Variants in USP49 observed in about 807,000 individuals in gnomAD.
The protein encoded by USP49 is ubiquitin specific peptidase 49, also known as ubiquitin carboxyl-terminal hydrolase 49.
In USP49, 24 loss-of-function variants were observed where a neutral mutation model predicts 58.6. The ratio of observed to expected loss-of-function variants is 0.41; its 90% CI spans 0.30 to 0.58. USP49 has a LOEUF of 0.58. Ranked by LOEUF, USP49 falls within the 20% of genes least tolerant of loss-of-function variation. USP49 has a pLI of 0.30. For synonymous variants in USP49, 408 were observed against 365.1 expected (o/e 1.12, Z -1.34); for missense variants, 703 against 866.1 (o/e 0.81, Z 2.36).
chr6:41,823,839 CGGGAGAGA>C (rs1030728209), intron 3 of USP49, among the ~76,000 whole-genome samples: 14 of 151,612 alleles, frequency 9.2e-5, no homozygotes, highest in Admixed American at 2.6e-4. Context: ...GTGGGGGGGT[CGGGAGAGA>C]GGGAGAGAGA....
At position 41,796,152 on chromosome 6, in the gene USP49, T is replaced by G; in HGVS notation, c.*381A>C. On this transcript the variant is annotated 3_prime_UTR_variant, in exon 8 of 8. Coordinates refer to ENST00000682992, the MANE Select transcript of USP49 (RefSeq NM_001286554.2). ...ACTGCTCACATCCGGAGGGTTCTTC[T>G]GGTGCTGCAAGGAGGTCCTGATTAG... The G allele has an allele frequency of 5.2e-6, 1 of 194,148 alleles. No individual in the cohort carries two copies. The highest frequency in any genetic ancestry group is 1.1e-4 in the South Asian group (1 of 9,248). The allele number at this position is 194,148 out of a possible 1,614,324, so 12.0% of individuals were successfully genotyped here. A position where few individuals can be genotyped will look rare whatever the true frequency, so the allele number is the denominator to read the frequency against.
At chr6:41,808,972 G>A (rs1436082902) in intron 3 of USP49, among the ~76,000 whole-genome samples, 1 of 151,936 alleles carries the variant, frequency 6.6e-6, no homozygotes, top group Non-Finnish European at 1.5e-5. Context: ...GGAGTGCGGT[G>A]GTGTGATCTT....
In USP49 at chr6:41,805,610, T is replaced by C; in HGVS notation, c.1356+18A>G. 3 of 1,596,204 alleles carry C rather than the reference T, an allele frequency of 1.9e-6. No homozygotes were observed. The highest frequency in any genetic ancestry group is 1.7e-6 in the Non-Finnish European group (2 of 1,167,940). ...CTAACATACAAGCCTCTCATTGTCA[T>C]GGTAGGCACACACATACCTGACTGA... On this transcript the variant is annotated intron_variant, in intron 4 of 7. Coordinates refer to ENST00000682992, the MANE Select transcript of USP49 (RefSeq NM_001286554.2).
chr6:41,808,165 A>C (rs975802878), intron 3 of USP49, among the ~76,000 whole-genome samples: 21 of 152,218 alleles, frequency 1.4e-4, no homozygotes, highest in Admixed American at 9.8e-4. Flanking sequence ...AGGTAAGTAA[A>C]GAACTGGACA....
chr6:41,840,048 A>C (rs941531244), intron 3 of USP49, among the ~76,000 whole-genome samples: 2 of 152,122 alleles, frequency 1.3e-5, no homozygotes, highest in South Asian at 4.1e-4. Flanking sequence ...CCATAATGTA[A>C]ATATCAGTAT....
intron 2 of USP49, among the ~76,000 whole-genome samples, chr6:41,889,681 T>G (rs528035843): frequency 6.6e-6 from 1 of 152,328 alleles, no homozygotes; most frequent in East Asian, 1.9e-4. Context: ...CAAAATCCAC[T>G]CTAAACCCAA....
chr6:41,845,219 A>G (rs897031808), intron 3 of USP49, among the ~76,000 whole-genome samples: 2 of 151,778 alleles, frequency 1.3e-5, no homozygotes, highest in Non-Finnish European at 1.5e-5. Flanking sequence ...ACGTTTTTAC[A>G]TGTTTCTCAA....
intron 5 of USP49, among the ~76,000 whole-genome samples, chr6:41,801,483 C>T (rs1772996562): frequency 1.3e-5 from 2 of 152,182 alleles, no homozygotes; most frequent in Non-Finnish European, 2.9e-5. Context: ...GTGTAGTCGT[C>T]ACAATACGTG....
chr6:41,889,749 T>G (rs115553027), intron 2 of USP49, among the ~76,000 whole-genome samples: 3,754 of 152,346 alleles, frequency 0.025, 70 homozygotes, highest in Non-Finnish European at 0.041. Context: ...CTAAACTTTT[T>G]GAAATACTCA....
chr6:41,843,602 A>T (rs957513768), intron 3 of USP49, among the ~76,000 whole-genome samples: 1 of 152,156 alleles, frequency 6.6e-6, no homozygotes, highest in African/African-American at 2.4e-5. Context: ...GTAACAAAGC[A>T]AAACAGTATC....
chr6:41,834,959 A>C (rs1253836248), intron 3 of USP49, among the ~76,000 whole-genome samples: 1 of 152,228 alleles, frequency 6.6e-6, no homozygotes, highest in African/African-American at 2.4e-5. Flanking sequence ...TATTCAAGAA[A>C]TAGGAAAGAA....
In USP49 at chr6:41,803,390, G is replaced by A. The variant is rs550088045; in HGVS notation, c.1561+416C>T. Among the ~76,000 whole-genome samples the A allele has an allele frequency of 1.5e-4, 23 of 152,234 alleles. No homozygotes were observed. The East Asian group carries it at 3.5e-3, about 23-fold the overall frequency. On this transcript the variant is annotated intron_variant, in intron 5 of 7. Coordinates refer to ENST00000682992, the MANE Select transcript of USP49 (RefSeq NM_001286554.2). The surrounding 1 kb of genome is among the most constrained non-coding windows in gnomAD (Gnocchi z 4.1). ...GCAATCTTGGCTCACTGCACCCTCC[G>A]CTTCCTGGGTTCAACCGATTCTCCT...
rs558231838 is a variant in USP49, at chr6:41,879,468, T to C, written c.-102-7831A>G. 3.3e-5 allele frequency among the ~76,000 whole-genome samples: 5 copies of C among 152,170 alleles called. No individual in the cohort carries two copies. The South Asian group carries it at 8.3e-4, about 25-fold the overall frequency. ...AAGGGGAAGCCCAAATCAAACTGAA[T>C]TGTGCTAAGACAAACCAGAAAAACT... On this transcript the variant is annotated intron_variant, in intron 2 of 7. Transcript: ENST00000682992.
At chr6:41,827,334 T>G (rs549608360) in intron 3 of USP49, among the ~76,000 whole-genome samples, 1 of 152,146 alleles carries the variant, frequency 6.6e-6, no homozygotes, top group East Asian at 1.9e-4. Flanking sequence ...CAGAGGTAGG[T>G]TACTCCCCAT....
At chr6:41,878,003 A>T (rs2127361816) in intron 2 of USP49, among the ~76,000 whole-genome samples, 1 of 152,250 alleles carries the variant, frequency 6.6e-6, no homozygotes, top group South Asian at 2.1e-4. Context: ...CCAGGGCTCA[A>T]GCGACCCTCC....
chr6:41,842,103 C>G (rs935757743), intron 3 of USP49, among the ~76,000 whole-genome samples: 8 of 151,414 alleles, frequency 5.3e-5, no homozygotes, highest in South Asian at 4.2e-4. Context: ...GGCATTCCTT[C>G]CAGCTGATGA....
chr6:41,796,336 A>G lies in USP49; in HGVS notation c.*197T>C. The G allele has an allele frequency of 2.0e-6, 1 of 508,812 alleles. No homozygotes were observed. Among genetic ancestry groups the G allele is most frequent in the South Asian group, 3.6e-5 (1 of 28,114 alleles). The allele number at this position is 508,812 out of a possible 1,614,324, so 31.5% of individuals were successfully genotyped here. On this transcript the variant is annotated 3_prime_UTR_variant, in exon 8 of 8. Coordinates refer to ENST00000682992, the MANE Select transcript of USP49 (RefSeq NM_001286554.2). ...AAGTTACTTCTTTTGTTTTTAGGAA[A>G]GGAGGGAACTCCCAAACTCATTCAA...
At chr6:41,872,742 C>CAA (rs561693628) in intron 2 of USP49, among the ~76,000 whole-genome samples, 153 of 126,970 alleles carry the variant, frequency 1.2e-3, no homozygotes, top group African/African-American at 2.0e-3. Flanking sequence ...ACTAAAAATA[C>CAA]AAAAAAAAAA....
intron 2 of USP49, among the ~76,000 whole-genome samples, chr6:41,876,321 T>C (rs903051913): frequency 6.7e-6 from 1 of 148,616 alleles, no homozygotes; most frequent in Non-Finnish European, 1.5e-5. Flanking sequence ...AGATACTTTC[T>C]CTGCATTTTG....
Sources: allele counts gnomAD v4.1 joint callset (sites outside exome capture counted in the v4.1 genomes callset), GRCh38; gene constraint gnomAD v4.1.1; non-coding constraint Gnocchi (gnomAD v3.1); transcripts MANE v1.5; gene names NCBI Gene and HGNC (gene_info 2026-07-23, HGNC 2026-07-21).